Variants in PRTFDC1 observed in about 807,000 individuals in gnomAD.
PRTFDC1 encodes the protein phosphoribosyltransferase domain-containing protein 1.
Under a neutral mutation model 34.6 loss-of-function variants are expected in PRTFDC1, and 38 were observed. The ratio of observed to expected loss-of-function variants is 1.10; its 90% CI spans 0.85 to 1.44. PRTFDC1 has a LOEUF of 1.44. Ranked by LOEUF, PRTFDC1 falls within the 40% of genes most tolerant of loss-of-function variation. The pLI is 0.00. For synonymous variants in PRTFDC1, 93 were observed against 98.1 expected (o/e 0.95, Z 0.31); for missense variants, 270 against 283.0 (o/e 0.95, Z 0.33).
intron 3 of PRTFDC1, among the ~76,000 whole-genome samples, chr10:24,929,072 G>A (rs111639062): frequency 0.25 from 29,330 of 119,232 alleles, 5,659 homozygotes; most frequent in African/African-American, 0.45. Context: ...AAGAAAGAAA[G>A]AAAGGGAGGC....
chr10:24,874,134 G>A (rs970858677), intron 3 of PRTFDC1, among the ~76,000 whole-genome samples: 1 of 151,844 alleles, frequency 6.6e-6, no homozygotes, highest in African/African-American at 2.4e-5. Context: ...GTTGGAGGGG[G>A]CACAGGCAGA....
At chr10:24,870,837 C>T (rs1847856610) in intron 4 of PRTFDC1, among the ~76,000 whole-genome samples, 2 of 151,420 alleles carry the variant, frequency 1.3e-5, no homozygotes, top group South Asian at 2.1e-4. Context: ...TTTGGGCAGC[C>T]GAAACAGGTG....
At chr10:24,912,925 C>T (rs570369374) in intron 3 of PRTFDC1, among the ~76,000 whole-genome samples, 17 of 152,232 alleles carry the variant, frequency 1.1e-4, no homozygotes, top group Non-Finnish European at 2.1e-4. Context: ...CATATCATGT[C>T]GCCTTTCCAC....
chr10:24,929,677 C>G (rs1157295926), intron 3 of PRTFDC1, among the ~76,000 whole-genome samples: 1 of 152,140 alleles, frequency 6.6e-6, no homozygotes, highest in Non-Finnish European at 1.5e-5. Flanking sequence ...TACACTTTAT[C>G]CTCACATTGG....
chr10:24,926,854 T>C (rs970134148), intron 3 of PRTFDC1, among the ~76,000 whole-genome samples: 1 of 152,240 alleles, frequency 6.6e-6, no homozygotes, highest in African/African-American at 2.4e-5. Flanking sequence ...ATTGATACTA[T>C]AATTTAATAA....
chr10:24,857,847 C>T (rs1395269575), intron 5 of PRTFDC1, among the ~76,000 whole-genome samples: 1 of 151,960 alleles, frequency 6.6e-6, no homozygotes, highest in Non-Finnish European at 1.5e-5. Flanking sequence ...CCATAGGGAT[C>T]CCACGTTCTC....
Position 24,872,067 on chromosome 10 carries a change from CA to C in PRTFDC1, c.340-5del. ...TCTCACCCATGGACTGGTCATTCTG[CA>C]AAAAAGAAGAAAAAAAAGGGAGACA... On this transcript the variant is annotated splice_region_variant and splice_polypyrimidine_tract_variant and intron_variant, in intron 3 of 8. Transcript: ENST00000320152. 6.3e-7 allele frequency: 1 copy of C among 1,599,406 alleles called. No individual in the cohort carries two copies. The highest frequency in any genetic ancestry group is 8.5e-7 in the Non-Finnish European group (1 of 1,171,356).
intron 4 of PRTFDC1, among the ~76,000 whole-genome samples, chr10:24,864,570 T>C (rs1444435528): frequency 6.6e-6 from 1 of 152,170 alleles, no homozygotes. Context: ...ATTAGCATTG[T>C]TTTTTAGCAA....
At position 24,947,481 on chromosome 10, in the gene PRTFDC1, T is replaced by C. The variant is rs147449205; in HGVS notation, c.49-5045A>G. ...AGTGTATTCAGTACAATGCTTTCTC[T>C]GTTCAAAACAGCAAAACATAGCCAA... On this transcript the variant is annotated intron_variant, in intron 1 of 8. Coordinates refer to ENST00000320152, the MANE Select transcript of PRTFDC1 (RefSeq NM_020200.7). Among the ~76,000 whole-genome samples, 296 of 152,304 alleles carry C rather than the reference T, an allele frequency of 1.9e-3. 1 individual carries two copies. Among genetic ancestry groups the C allele is most frequent in the African/African-American group, 6.9e-3 (288 of 41,564 alleles).
intron 2 of PRTFDC1, among the ~76,000 whole-genome samples, chr10:24,940,037 G>T (rs1849128987): frequency 6.6e-6 from 1 of 152,022 alleles, no homozygotes; most frequent in Admixed American, 6.6e-5. Context: ...TAATATATAT[G>T]CTCCTAAAAA....
rs960137349 is a variant in PRTFDC1 at position 24,857,126 on chromosome 10, G to C, written c.424-131C>G. 10 of 785,566 alleles carry C rather than the reference G, an allele frequency of 1.3e-5. No individual in the cohort carries two copies. In the Admixed American group the frequency reaches 2.0e-4, roughly 16 times the overall value. The allele number at this position is 785,566 out of a possible 1,614,324, so 48.7% of individuals were successfully genotyped here. A position where few individuals can be genotyped will look rare whatever the true frequency, so the allele number is the denominator to read the frequency against. On this transcript the variant is annotated intron_variant, in intron 5 of 8. Transcript: ENST00000320152. ...GCCATCCAATTTGGAGCCACAGTAG[G>C]AGGAAGAGTTGGTTATGTTTTATTT...
At chr10:24,905,897 C>G (rs944552808) in intron 3 of PRTFDC1, among the ~76,000 whole-genome samples, 7 of 152,164 alleles carry the variant, frequency 4.6e-5, no homozygotes, top group Middle Eastern at 3.2e-3. Flanking sequence ...TCCCTCCTCT[C>G]ACCACTCCCC....
At chr10:24,909,159 T>C (rs1421558207) in intron 3 of PRTFDC1, among the ~76,000 whole-genome samples, 1 of 152,140 alleles carries the variant, frequency 6.6e-6, no homozygotes, top group East Asian at 1.9e-4. Flanking sequence ...TGTGTGTCTA[T>C]ATTCCCAGTT....
chr10:24,879,584 A>T (rs754289351), intron 3 of PRTFDC1, among the ~76,000 whole-genome samples: 1 of 151,752 alleles, frequency 6.6e-6, no homozygotes, highest in South Asian at 2.1e-4. Flanking sequence ...CTGACCTCAG[A>T]TGATCTGCCC....
chr10:24,945,384 C>T (rs963186002), intron 1 of PRTFDC1, among the ~76,000 whole-genome samples: 1 of 152,166 alleles, frequency 6.6e-6, no homozygotes, highest in Non-Finnish European at 1.5e-5. Context: ...TAAAGAGCAC[C>T]ACTGTTCAAG....
At chr10:24,909,076 C>T (rs1848585281) in intron 3 of PRTFDC1, among the ~76,000 whole-genome samples, 1 of 152,164 alleles carries the variant, frequency 6.6e-6, no homozygotes, top group East Asian at 1.9e-4. Context: ...AGGCCAGGAG[C>T]TCAAAACCTT....
intron 3 of PRTFDC1, among the ~76,000 whole-genome samples, chr10:24,904,722 A>G (rs1483789903): frequency 6.6e-6 from 1 of 152,034 alleles, no homozygotes; most frequent in Admixed American, 6.6e-5. Flanking sequence ...TAGAGAGACC[A>G]CTCTTATTTG....
intron 1 of PRTFDC1, among the ~76,000 whole-genome samples, chr10:24,943,378 C>T (rs886674755): frequency 3.9e-5 from 6 of 152,006 alleles, no homozygotes; most frequent in African/African-American, 1.5e-4. Context: ...GTCTCCCTCT[C>T]GCTTAGGACT....
chr10:24,918,390 A>C (rs182040355), intron 3 of PRTFDC1, among the ~76,000 whole-genome samples: 1 of 152,244 alleles, frequency 6.6e-6, no homozygotes, highest in Non-Finnish European at 1.5e-5. Context: ...TGCAAATCAA[A>C]TATGTGTGGT....
Sources: gnomAD v4.1 joint callset for allele counts (sites outside exome capture counted in the v4.1 genomes callset) on GRCh38, gnomAD v4.1.1 for gene constraint, MANE v1.5 for transcripts, NCBI Gene and HGNC (gene_info 2026-07-23, HGNC 2026-07-21) for gene names.